Variants in CNTNAP2 observed in about 807,000 individuals in gnomAD.
The protein encoded by CNTNAP2 is contactin-associated protein-like 2.
Under a neutral mutation model 155.2 loss-of-function variants are expected in CNTNAP2, and 98 were observed. That is an observed-to-expected ratio of 0.63 (90% CI 0.54 to 0.75). The LOEUF (loss-of-function observed/expected upper bound fraction) is 0.75. CNTNAP2 is among the 30% of genes least tolerant of loss of function. CNTNAP2 has a pLI of 0.00. For missense variants in CNTNAP2, 1,727 were observed against 1,688.1 expected, an observed-to-expected ratio of 1.02 and a Z score of -0.40; for synonymous variants, 651 against 631.2, an observed-to-expected ratio of 1.03 and a Z score of -0.47.
intron 3 of CNTNAP2, among the ~76,000 whole-genome samples, chr7:146,956,520 A>G (rs572591593): frequency 8.5e-5 from 13 of 152,304 alleles, no homozygotes; most frequent in Non-Finnish European, 1.3e-4. Context: ...GCAATTTGCA[A>G]TTATCTCCTT....
rs1584788427 is a variant in CNTNAP2 at position 147,521,137 on chromosome 7, A to G, written c.1777+35096A>G. 2.0e-5 allele frequency among the ~76,000 whole-genome samples: 3 copies of G among 152,234 alleles called. No homozygotes were observed. The East Asian group carries it at 5.8e-4, about 29-fold the overall frequency. On this transcript the variant is annotated intron_variant, in intron 11 of 23. Transcript: ENST00000361727. Reference sequence around the variant, plus strand: ...ATCTGCCTTTCCTGGCTAATTTTCCATGTCTCTCCTATGTTAACCCTGCAT... The same window carrying G: ...ATCTGCCTTTCCTGGCTAATTTTCCGTGTCTCTCCTATGTTAACCCTGCAT...
At chr7:148,146,922 C>G (rs1001505283) in intron 16 of CNTNAP2, among the ~76,000 whole-genome samples, 3 of 152,184 alleles carry the variant, frequency 2.0e-5, no homozygotes, top group African/African-American at 7.2e-5. Context: ...AGCAGTAGCT[C>G]TCAACTCTAG....
chr7:146,595,922 T>C (rs185945858), intron 1 of CNTNAP2, among the ~76,000 whole-genome samples: 1 of 152,016 alleles, frequency 6.6e-6, no homozygotes, highest in Admixed American at 6.6e-5. Context: ...CAGGTGTAAA[T>C]GGTAGTTGCT....
At chr7:148,015,488 T>C (rs143387771) in intron 15 of CNTNAP2, among the ~76,000 whole-genome samples, 2 of 152,302 alleles carry the variant, frequency 1.3e-5, no homozygotes, top group East Asian at 1.9e-4. Context: ...CGAGACCCAG[T>C]GTCACAGAGA....
intron 4 of CNTNAP2, among the ~76,000 whole-genome samples, chr7:147,071,360 CAT>C (rs1799888589): frequency 2.0e-5 from 3 of 151,578 alleles, no homozygotes; most frequent in Admixed American, 1.3e-4. Context: ...TTCCTCCAAC[CAT>C]ACTCTGTGGG....
At chr7:147,191,597 T>G (rs1246197226) in intron 8 of CNTNAP2, among the ~76,000 whole-genome samples, 1 of 152,074 alleles carries the variant, frequency 6.6e-6, no homozygotes, top group African/African-American at 2.4e-5. Context: ...ATCCTGGAGA[T>G]TTTTTCTGGT....
At chr7:148,209,238 G>A (rs531791085) in intron 18 of CNTNAP2, among the ~76,000 whole-genome samples, 3 of 151,048 alleles carry the variant, frequency 2.0e-5, no homozygotes, top group South Asian at 2.1e-4. Flanking sequence ...TGATCCTCCC[G>A]CCTCAGTAGC....
intron 8 of CNTNAP2, among the ~76,000 whole-genome samples, chr7:147,263,550 T>G (rs1031246182): frequency 2.0e-5 from 3 of 152,200 alleles, no homozygotes; most frequent in Admixed American, 6.5e-5. Context: ...TATTGATTTG[T>G]CATCTCCTTT....
At chr7:148,122,208 A>C (rs1020216371) in intron 16 of CNTNAP2, among the ~76,000 whole-genome samples, 5 of 152,206 alleles carry the variant, frequency 3.3e-5, no homozygotes, top group African/African-American at 1.2e-4. Context: ...ACAGCCAGGA[A>C]GTGGCAGAGC....
At chr7:148,207,079 A>G (rs926185608) in intron 18 of CNTNAP2, among the ~76,000 whole-genome samples, 62 of 152,306 alleles carry the variant, frequency 4.1e-4, no homozygotes, top group African/African-American at 1.4e-3. Flanking sequence ...AGTATATATC[A>G]TGTTTGCTTT....
intron 1 of CNTNAP2, among the ~76,000 whole-genome samples, chr7:146,547,706 A>G (rs906808798): frequency 6.6e-6 from 1 of 151,998 alleles, no homozygotes; most frequent in African/African-American, 2.4e-5. Context: ...GCGCTCATCC[A>G]TTAATGAACA....
intron 17 of CNTNAP2, among the ~76,000 whole-genome samples, chr7:148,171,030 G>A (rs1805783101): frequency 6.6e-6 from 1 of 152,152 alleles, no homozygotes; most frequent in African/African-American, 2.4e-5. Context: ...AATAAACCCT[G>A]TTTGTTGCCT....
At chr7:146,394,793 T>C (rs1338771669) in intron 1 of CNTNAP2, among the ~76,000 whole-genome samples, 1 of 152,190 alleles carries the variant, frequency 6.6e-6, no homozygotes, top group Admixed American at 6.5e-5. Flanking sequence ...CAGTTTTGTT[T>C]CATGCATATA....
intron 14 of CNTNAP2, among the ~76,000 whole-genome samples, chr7:147,967,728 C>T (rs886540388): frequency 1.1e-4 from 16 of 152,286 alleles, no homozygotes; most frequent in South Asian, 8.3e-4. Flanking sequence ...TGCATATCTA[C>T]GTGAAGAAAT....
intron 12 of CNTNAP2, among the ~76,000 whole-genome samples, chr7:147,593,624 T>G (rs1330227488): frequency 2.0e-5 from 3 of 152,194 alleles, no homozygotes; most frequent in Non-Finnish European, 1.5e-5. Context: ...TAGGATTAAA[T>G]GACAAATTGC....
intron 14 of CNTNAP2, among the ~76,000 whole-genome samples, chr7:147,971,770 T>C (rs1801338971): frequency 6.6e-6 from 1 of 152,210 alleles, no homozygotes; most frequent in African/African-American, 2.4e-5. Context: ...CTAAAAGGCT[T>C]TGTGTGAACA....
intron 1 of CNTNAP2, among the ~76,000 whole-genome samples, chr7:146,492,566 C>T (rs1372056116): frequency 1.3e-5 from 2 of 152,150 alleles, no homozygotes; most frequent in Non-Finnish European, 2.9e-5. Flanking sequence ...ATTCTAAAAG[C>T]AACTTGTACG....
intron 3 of CNTNAP2, among the ~76,000 whole-genome samples, chr7:146,964,052 G>A (rs778047751): frequency 8.6e-5 from 13 of 151,974 alleles, no homozygotes; most frequent in Non-Finnish European, 1.8e-4. Flanking sequence ...CACCAGCAGT[G>A]GAGGCAAAAA....
rs138378414 is a variant in CNTNAP2 at position 147,520,315 on chromosome 7, AT to A, written c.1777+34277del. On this transcript the variant is annotated intron_variant, in intron 11 of 23. Coordinates refer to ENST00000361727, the MANE Select transcript of CNTNAP2 (RefSeq NM_014141.6). ...TAGAGAATCTACAGGAATAAGTTAC[AT>A]TTCTTATAGCTTCCTGTGCAATATC... Among the ~76,000 whole-genome samples the A allele has an allele frequency of 8.6e-3, 1,310 of 152,334 alleles. 23 individuals are homozygous for A. The highest frequency in any genetic ancestry group is 0.03 in the African/African-American group (1,261 of 41,586).
Sources: gnomAD v4.1 joint callset for allele counts (sites outside exome capture counted in the v4.1 genomes callset) on GRCh38, gnomAD v4.1.1 for gene constraint, MANE v1.5 for transcripts, NCBI Gene and HGNC (gene_info 2026-07-23, HGNC 2026-07-21) for gene names.